ARHGEF12: variants seen among roughly 807,000 people sequenced by gnomAD.
ARHGEF12 encodes the protein KMT2A/ARHGEF12 fusion protein.
In ARHGEF12, 66 loss-of-function variants were observed where a neutral mutation model predicts 211.2. The observed-to-expected ratio is 0.31, with a 90% CI of 0.26 to 0.38. The LOEUF (loss-of-function observed/expected upper bound fraction) is 0.38, where lower values mean the gene tolerates loss of function less well. Ranked by LOEUF, ARHGEF12 falls within the 10% of genes least tolerant of loss-of-function variation. The pLI, the probability that ARHGEF12 is intolerant of heterozygous loss-of-function variation, is 1.00. For synonymous variants in ARHGEF12, 592 were observed against 638.4 expected (o/e 0.93, Z 1.09); for missense variants, 1,429 against 1,869.5 (o/e 0.76, Z 4.34).
At chr11:120,392,879 A>G (rs904079881) in intron 1 of ARHGEF12, among the ~76,000 whole-genome samples, 15 of 152,152 alleles carry the variant, frequency 9.9e-5, no homozygotes, top group African/African-American at 3.1e-4. Flanking sequence ...TTTGGAACCA[A>G]TTGCTTACCC....
At chr11:120,467,895 C>T (rs773914440) in intron 29 of ARHGEF12, among the ~76,000 whole-genome samples, 9 of 152,146 alleles carry the variant, frequency 5.9e-5, no homozygotes, top group African/African-American at 1.7e-4. Flanking sequence ...CACAGCCGTG[C>T]TCGTCTGTTT....
At chr11:120,477,584 G>A (rs1036307886) in intron 36 of ARHGEF12, 58 bp downstream of exon 36, 15 of 1,518,002 alleles carry the variant, frequency 9.9e-6, no homozygotes, top group Non-Finnish European at 1.2e-5. Context: ...TAAAATGCTG[G>A]CCGGATGTGG....
At chr11:120,417,505 ATT>A (rs34950022) in intron 4 of ARHGEF12, among the ~76,000 whole-genome samples, 12 of 130,958 alleles carry the variant, frequency 9.2e-5, no homozygotes, top group Admixed American at 1.6e-4. Context: ...TAGTCTAATA[ATT>A]TTTTTTTTTT....
chr11:120,475,544 T>G, intron 33 of ARHGEF12, 37 bp downstream of exon 33: 12 of 1,601,218 alleles, frequency 7.5e-6, no homozygotes, highest in Non-Finnish European at 1.0e-5. Flanking sequence ...ATTTCCAGAT[T>G]CATTGTGAAG....
Position 120,481,395 on chromosome 11 carries a change from C to T in ARHGEF12, c.4373C>T (p.Pro1458Leu), listed in dbSNP as rs1490183623. 6.2e-7 allele frequency: 1 copy of T among 1,614,084 alleles called. No homozygotes were observed. Among genetic ancestry groups the T allele is most frequent in the Non-Finnish European group, 8.5e-7 (1 of 1,180,042 alleles). The change falls in exon 39 of 41, where the codon CCT (proline) becomes CTT (leucine). Residue 1458 changes from proline (P) to leucine (L), a missense_variant. By Grantham distance (98) the Pro-to-Leu change is moderately conservative. Transcript: ENST00000397843. Reference protein sequence around the residue: ...VESTHQQQHSPQNTHSDGAIS... With the variant: ...VESTHQQQHSLQNTHSDGAIS... The stretch of plus-strand genomic sequence containing the variant: ...TCCACCCACCAGCAGCAACATTCTC[C>T]TCAGAATACTCACTCCGATGGGGCA...
chr11:120,340,591 G>A (rs1037039628), intron 1 of ARHGEF12, among the ~76,000 whole-genome samples: 1 of 151,678 alleles, frequency 6.6e-6, no homozygotes, highest in Non-Finnish European at 1.5e-5. Flanking sequence ...CAAAATTGCT[G>A]TATAATGGTT....
Position 120,429,434 on chromosome 11 carries a change from T to C in ARHGEF12, c.586-6T>C. On this transcript the variant is annotated splice_region_variant and splice_polypyrimidine_tract_variant and intron_variant, in intron 8 of 40. Transcript: ENST00000397843. ...GTTGTTTGTTTTTTATCTTTTTCTTTTCTAGGAGGAAAACAATGTGGTTCA... is the reference window on the plus strand; with the variant it reads ...GTTGTTTGTTTTTTATCTTTTTCTTCTCTAGGAGGAAAACAATGTGGTTCA... 6.2e-7 allele frequency: 1 copy of C among 1,607,892 alleles called. No individual in the cohort carries two copies. The highest frequency in any genetic ancestry group is 1.7e-5 in the Admixed American group (1 of 59,212).
Position 120,458,185 on chromosome 11 carries a change from G to A in ARHGEF12, c.2331G>A (p.Val777=), listed in dbSNP as rs34217050. 3,392 of 1,613,578 alleles carry A rather than the reference G, an allele frequency of 2.1e-3. 58 individuals are homozygous for A. In the African/African-American group the frequency reaches 0.04, roughly 19 times the overall value. ...GGCAGCAGCTTGTTAGTCGAGAAGT[G>A]TTACTGGGACTAAAACCTTGTGAAA... ...PNWQQLVSRE[V]LLGLKPCEIK... is the part of the protein sequence containing the mutation. The change falls in exon 25 of 41, where the codon GTG becomes GTA. Residue 777 remains valine, a synonymous_variant. Coordinates refer to ENST00000397843, the MANE Select transcript of ARHGEF12 (RefSeq NM_015313.3).
chr11:120,376,259 A>T (rs925794589), intron 1 of ARHGEF12, among the ~76,000 whole-genome samples: 10 of 152,116 alleles, frequency 6.6e-5, no homozygotes, highest in African/African-American at 2.4e-4. Flanking sequence ...AGAGTTGAGA[A>T]TTAGATTTTT....
intron 1 of ARHGEF12, among the ~76,000 whole-genome samples, chr11:120,390,083 C>T (rs976403033): frequency 6.6e-6 from 1 of 151,976 alleles, no homozygotes; most frequent in African/African-American, 2.4e-5. Context: ...CCTGCTGTTC[C>T]GGGTCTCTAC....
At chr11:120,451,466 C>T (rs745900537) in intron 21 of ARHGEF12, 46 bp from the exon 22 acceptor site, 18 of 1,588,648 alleles carry the variant, frequency 1.1e-5, no homozygotes, top group Admixed American at 1.0e-4. Flanking sequence ...CTTGAGCCAC[C>T]GCACCCAGCC....
rs182191419 is a variant in ARHGEF12, at chr11:120,355,005, A to G, written c.32+17730A>G. On this transcript the variant is annotated intron_variant, in intron 1 of 40. Transcript: ENST00000397843. Reference sequence around the variant, plus strand: ...ATATTTACCATATCTCATTTTAGCTAGCATTGCTTCCTCACACTGTTAGCA... The same window carrying G: ...ATATTTACCATATCTCATTTTAGCTGGCATTGCTTCCTCACACTGTTAGCA... Among the ~76,000 whole-genome samples, 421 of 152,294 alleles carry G rather than the reference A, an allele frequency of 2.8e-3. 2 individuals are homozygous for G. Among genetic ancestry groups the G allele is most frequent in the African/African-American group, 9.5e-3 (395 of 41,550 alleles).
intron 1 of ARHGEF12, among the ~76,000 whole-genome samples, chr11:120,379,204 C>T (rs1340446197): frequency 6.6e-6 from 1 of 151,980 alleles, no homozygotes; most frequent in Non-Finnish European, 1.5e-5. Flanking sequence ...TTATAAATAG[C>T]ATTTAAAATT....
chr11:120,401,077 CTAGCCGCT>C (rs1944536908), intron 1 of ARHGEF12, among the ~76,000 whole-genome samples: 1 of 152,128 alleles, frequency 6.6e-6, no homozygotes, highest in South Asian at 2.1e-4. Flanking sequence ...GCCAGCTCTC[CTAGCCGCT>C]TTTCATGCTT....
intron 23 of ARHGEF12, chr11:120,457,476 T>C: frequency 2.3e-6 from 1 of 439,694 alleles, no homozygotes; most frequent in Non-Finnish European, 3.8e-6. Flanking sequence ...CTGTAAAAAA[T>C]AAAATAAATA....
chr11:120,412,346 A>G (rs1944909746), intron 4 of ARHGEF12, among the ~76,000 whole-genome samples: 1 of 152,222 alleles, frequency 6.6e-6, no homozygotes, highest in Admixed American at 6.5e-5. Flanking sequence ...TGTTCAGGCC[A>G]CTGTAACAAA....
intron 26 of ARHGEF12, among the ~76,000 whole-genome samples, chr11:120,459,627 T>G (rs1450643547): frequency 1.3e-5 from 2 of 152,042 alleles, no homozygotes; most frequent in South Asian, 2.1e-4. Flanking sequence ...AATATATATA[T>G]CCAATATAAT....
chr11:120,378,773 AT>A (rs1465157768), intron 1 of ARHGEF12, among the ~76,000 whole-genome samples: 1 of 151,820 alleles, frequency 6.6e-6, no homozygotes, highest in Non-Finnish European at 1.5e-5. Flanking sequence ...TAAAAACTTA[AT>A]AGACTGTCTG....
intron 1 of ARHGEF12, among the ~76,000 whole-genome samples, chr11:120,377,445 AT>A (rs1054100861): frequency 1.3e-5 from 2 of 151,612 alleles, no homozygotes; most frequent in Non-Finnish European, 2.9e-5. Context: ...GGCTCAAGTG[AT>A]CCTCCCACCT....
Sources: gnomAD v4.1 joint callset for allele counts (sites outside exome capture counted in the v4.1 genomes callset) on GRCh38, gnomAD v4.1.1 for gene constraint, MANE v1.5 for transcripts, NCBI Gene and HGNC (gene_info 2026-07-23, HGNC 2026-07-21) for gene names.